Variants in ADAMTS14 observed in about 807,000 individuals in gnomAD.
ADAMTS14 encodes ADAM metallopeptidase with thrombospondin type 1 motif 14.
A neutral mutation model predicts 128.6 loss-of-function variants in ADAMTS14; 100 were observed. The ratio of observed to expected loss-of-function variants is 0.78; its 90% CI spans 0.66 to 0.92. The LOEUF (loss-of-function observed/expected upper bound fraction) is 0.92. Among genes scored for constraint, ADAMTS14 ranks in the 40% least tolerant of loss-of-function variants. ADAMTS14 has a pLI of 0.00. For missense variants in ADAMTS14, 1,562 were observed against 1,658.6 expected (o/e 0.94, Z 1.01); for synonymous variants, 665 against 653.8 (o/e 1.02, Z -0.26).
At chr10:70,720,679 C>A (rs1479667326) in intron 4 of ADAMTS14, among the ~76,000 whole-genome samples, 1 of 152,236 alleles carries the variant, frequency 6.6e-6, no homozygotes, top group Admixed American at 6.5e-5. Context: ...CATGTGTACA[C>A]ACATACAACA....
rs76318913 is a variant in ADAMTS14 at position 70,688,898 on chromosome 10, A to G, written c.523-13414A>G. 1.3e-3 allele frequency among the ~76,000 whole-genome samples: 54 copies of G among 43,018 alleles called. 4 individuals carry two copies. The highest frequency in any genetic ancestry group is 6.4e-3 in the East Asian group (1 of 156). The allele number at this position is 43,018 out of a possible 152,430, so 28.2% of individuals were successfully genotyped here. A position where few individuals can be genotyped will look rare whatever the true frequency, so the allele number is the denominator to read the frequency against. ...GGGAGGGGGAGGGGGAGGGGGAGGG[A>G]GAGGGAGAGCCTTTGCTTTTAAGCC... On this transcript the variant is annotated intron_variant, in intron 2 of 21. Transcript: ENST00000373207.
intron 2 of ADAMTS14, among the ~76,000 whole-genome samples, chr10:70,700,229 C>A: frequency 6.6e-6 from 1 of 152,068 alleles, no homozygotes; most frequent in East Asian, 1.9e-4. Flanking sequence ...CAGGTTTGGG[C>A]TCAACCTCTG....
chr10:70,720,395 C>A (rs531163634), intron 4 of ADAMTS14, among the ~76,000 whole-genome samples: 1 of 152,170 alleles, frequency 6.6e-6, no homozygotes, highest in Non-Finnish European at 1.5e-5. Context: ...CTAGTGACCT[C>A]GGAGGCAGGG....
In ADAMTS14 at chr10:70,709,238, T is replaced by C. The variant is rs75084836; in HGVS notation, c.870+460T>C. Among the ~76,000 whole-genome samples the C allele has an allele frequency of 9.4e-3, 1,425 of 152,136 alleles. 18 individuals carry two copies. The highest frequency in any genetic ancestry group is 0.033 in the African/African-American group (1,363 of 41,504). On this transcript the variant is annotated intron_variant, in intron 4 of 21. Transcript: ENST00000373207. The stretch of plus-strand genomic sequence containing the variant: ...AGGAGCTGTCAATATGTGAAGTGGG[T>C]CCTGAGACCCTGACGTTGGCCCTGG...
At chr10:70,697,984 G>T (rs1043386154) in intron 2 of ADAMTS14, among the ~76,000 whole-genome samples, 1 of 152,210 alleles carries the variant, frequency 6.6e-6, no homozygotes, top group African/African-American at 2.4e-5. Context: ...ACATTAAAGG[G>T]AGTTTAGCCC....
chr10:70,674,543 T>A lies in ADAMTS14; in HGVS notation c.83-13T>A. ...CGACTGCATTGAAGTGACTCTTTGTTTACCTCCAACAGAGCTGCACCTCTC... is the reference window on the plus strand; with the variant it reads ...CGACTGCATTGAAGTGACTCTTTGTATACCTCCAACAGAGCTGCACCTCTC... On this transcript the variant is annotated splice_polypyrimidine_tract_variant and intron_variant, in intron 1 of 21. Coordinates refer to ENST00000373207, the MANE Select transcript of ADAMTS14 (RefSeq NM_080722.4). 1 of 1,602,986 alleles carries A rather than the reference T, an allele frequency of 6.2e-7. No individual in the cohort carries two copies.
In ADAMTS14 at chr10:70,753,936, C is replaced by G. The variant is rs144830999; in HGVS notation, c.2866C>G (p.Arg956Gly). ...VMPAKACAGD[R>G]PEARRPCLRV... ...GCCGGCCAAAGCCTGCGCCGGGGAC[C>G]GGCCTGAGGCCCGACGGCCCTGTCT... The change falls in exon 19 of 22, where the codon CGG (arginine) becomes GGG (glycine). Residue 956 changes from arginine to glycine, a missense_variant. By Grantham distance (125) the Arg-to-Gly change is moderately radical (BLOSUM62 -2). Transcript: ENST00000373207. The G allele has an allele frequency of 1.3e-6, 2 of 1,587,628 alleles. No homozygotes were observed. Among genetic ancestry groups the G allele is most frequent in the East Asian group, 4.6e-5 (2 of 43,716 alleles).
intron 7 of ADAMTS14, among the ~76,000 whole-genome samples, chr10:70,733,017 G>GTCC (rs1841699192): frequency 2.6e-5 from 4 of 152,214 alleles, no homozygotes; most frequent in African/African-American, 9.6e-5. Flanking sequence ...GGACACAAAT[G>GTCC]AGCTACTGTT....
chr10:70,757,253 G>A (rs969880890), intron 19 of ADAMTS14, among the ~76,000 whole-genome samples: 1 of 152,166 alleles, frequency 6.6e-6, no homozygotes, highest in Non-Finnish European at 1.5e-5. Flanking sequence ...CCCTGCAAAC[G>A]GTGGTCCTCG....
chr10:70,757,258 T>G (rs1254585953), intron 19 of ADAMTS14, among the ~76,000 whole-genome samples: 1 of 152,130 alleles, frequency 6.6e-6, no homozygotes, highest in Non-Finnish European at 1.5e-5. Flanking sequence ...CAAACGGTGG[T>G]CCTCGGTCCT....
In ADAMTS14 at chr10:70,672,713, C is replaced by G; in HGVS notation, c.-90C>G. On this transcript the variant is annotated 5_prime_UTR_variant, in exon 1 of 22. Coordinates refer to ENST00000373207, the MANE Select transcript of ADAMTS14 (RefSeq NM_080722.4). ...CAGCGGCGGCAGCCAGCCGGTGCTC[C>G]GACAGCCCGGGGCGCACCCTAGCCT... The G allele has an allele frequency of 7.4e-7, 1 of 1,342,322 alleles. No individual in the cohort carries two copies. 83.2% of individuals were successfully genotyped at this position (1,342,322 alleles called of 1,614,324 possible). A position where few individuals can be genotyped will look rare whatever the true frequency, so the allele number is the denominator to read the frequency against.
chr10:70,733,360 G>A (rs894200965), intron 7 of ADAMTS14, among the ~76,000 whole-genome samples: 5 of 152,226 alleles, frequency 3.3e-5, no homozygotes, highest in African/African-American at 1.2e-4. Flanking sequence ...CATGTGCAAA[G>A]CTCTGTGCCC....
At chr10:70,677,491 A>C (rs1205789376) in intron 2 of ADAMTS14, among the ~76,000 whole-genome samples, 1 of 152,122 alleles carries the variant, frequency 6.6e-6, no homozygotes, top group Non-Finnish European at 1.5e-5. Context: ...CGGGTCTCAG[A>C]GGCTGTCCAG....
At chr10:70,679,936 C>T (rs944389089) in intron 2 of ADAMTS14, among the ~76,000 whole-genome samples, 1 of 151,894 alleles carries the variant, frequency 6.6e-6, no homozygotes, top group Non-Finnish European at 1.5e-5. Flanking sequence ...AATGGGACTA[C>T]AGTGTGGGGT....
intron 7 of ADAMTS14, among the ~76,000 whole-genome samples, chr10:70,733,575 G>A (rs991082018): frequency 6.6e-6 from 1 of 152,246 alleles, no homozygotes; most frequent in Non-Finnish European, 1.5e-5. Context: ...AGGACCAGTG[G>A]CCGAGTGGGG....
intron 4 of ADAMTS14, among the ~76,000 whole-genome samples, chr10:70,718,214 C>T (rs893033395): frequency 6.6e-6 from 1 of 152,182 alleles, no homozygotes; most frequent in Non-Finnish European, 1.5e-5. Flanking sequence ...CTCTAAGGAG[C>T]TCATCCTCCT....
At chr10:70,717,118 T>G (rs1841079580) in intron 4 of ADAMTS14, among the ~76,000 whole-genome samples, 1 of 152,214 alleles carries the variant, frequency 6.6e-6, no homozygotes, top group Non-Finnish European at 1.5e-5. Context: ...GTTTTCAGCA[T>G]TTAGTGAGTA....
chr10:70,740,765 T>C lies in ADAMTS14; in HGVS notation c.1749-222T>C, dbSNP rs577226482. On this transcript the variant is annotated intron_variant, in intron 11 of 21. Transcript: ENST00000373207. ...CACTCACCGTGGAATAGGTGGTGTATGTCTGAAGGGTAAAGCAGTCAGGGA... is the reference window on the plus strand; with the variant it reads ...CACTCACCGTGGAATAGGTGGTGTACGTCTGAAGGGTAAAGCAGTCAGGGA... 2.6e-5 allele frequency among the ~76,000 whole-genome samples: 4 copies of C among 152,324 alleles called. No individual in the cohort carries two copies. The East Asian group carries it at 5.8e-4, about 22-fold the overall frequency.
At chr10:70,704,800 GACAC>G (rs1840608841) in intron 3 of ADAMTS14, among the ~76,000 whole-genome samples, 1 of 150,402 alleles carries the variant, frequency 6.6e-6, no homozygotes, top group Non-Finnish European at 1.5e-5. Flanking sequence ...CTCACACATA[GACAC>G]ACACCATCTA....
Sources: allele counts gnomAD v4.1 joint callset (sites outside exome capture counted in the v4.1 genomes callset), GRCh38; gene constraint gnomAD v4.1.1; transcripts MANE v1.5; gene names NCBI Gene and HGNC (gene_info 2026-07-23, HGNC 2026-07-21).